TRAK1: variants seen among roughly 807,000 people sequenced by gnomAD.
TRAK1 encodes trafficking kinesin-binding protein 1.
In TRAK1, 33 loss-of-function variants were observed where a neutral mutation model predicts 92.1. The observed-to-expected ratio is 0.36, with a 90% CI of 0.27 to 0.48. TRAK1 has a LOEUF of 0.48. Among genes scored for constraint, TRAK1 ranks in the 20% least tolerant of loss-of-function variants. TRAK1 has a pLI of 0.99. For synonymous variants in TRAK1, 521 were observed against 517.3 expected (o/e 1.01, Z -0.10); for missense variants, 1,123 against 1,257.9 (o/e 0.89, Z 1.62).
At chr3:42,212,463 A>T in intron 14 of TRAK1, 2 of 985,420 alleles carry the variant, frequency 2.0e-6, no homozygotes, top group Non-Finnish European at 2.4e-6. Context: ...CCATGGAGAA[A>T]AAGTTTTAAG....
At chr3:42,100,326 C>T (rs1389632623) in intron 1 of TRAK1, among the ~76,000 whole-genome samples, 1 of 152,162 alleles carries the variant, frequency 6.6e-6, no homozygotes, top group African/African-American at 2.4e-5. Flanking sequence ...ATGATTGTGC[C>T]ACTGCACTCC....
chr3:42,156,375 C>T (rs1443552254), intron 2 of TRAK1, among the ~76,000 whole-genome samples: 1 of 152,170 alleles, frequency 6.6e-6, no homozygotes, highest in African/African-American at 2.4e-5. Context: ...AGTGTCTAAA[C>T]CCAGAGAAAT....
At chr3:42,118,785 C>G (rs1709488681) in intron 1 of TRAK1, among the ~76,000 whole-genome samples, 1 of 152,184 alleles carries the variant, frequency 6.6e-6, no homozygotes, top group Admixed American at 6.5e-5. Flanking sequence ...GTAAAGAGTC[C>G]TTTTAGGTTA....
chr3:42,034,630 T>C (rs1448237541), intron 1 of TRAK1, among the ~76,000 whole-genome samples: 1 of 152,208 alleles, frequency 6.6e-6, no homozygotes, highest in East Asian at 1.9e-4. Context: ...CCTTTTGCCA[T>C]GATTACTGTT....
intron 1 of TRAK1, among the ~76,000 whole-genome samples, chr3:42,027,019 T>C (rs920595890): frequency 3.3e-5 from 5 of 152,332 alleles, no homozygotes; most frequent in Admixed American, 2.0e-4. Context: ...TACTCTTTAA[T>C]AAAATCTCAG....
intron 3 of TRAK1, among the ~76,000 whole-genome samples, chr3:42,183,553 T>TAAAAAAAAAAAAAAAAAAAAAAAAA (rs11293523): frequency 1.4e-4 from 16 of 117,318 alleles, no homozygotes; most frequent in African/African-American, 4.8e-4. Context: ...AGACTCTGTC[T>TAAAAAAAAAAAAAAAAAAAAAAAAA]AAAAAAAAAA....
chr3:42,027,616 A>G (rs1701969070), intron 1 of TRAK1, among the ~76,000 whole-genome samples: 1 of 152,202 alleles, frequency 6.6e-6, no homozygotes. Context: ...TGTATTTTAA[A>G]CATTATTTAG....
chr3:42,202,641 A>G lies in TRAK1; in HGVS notation c.1633A>G (p.Met545Val), dbSNP rs1250458712. Residue 545 changes from methionine (M) to valine (V), a missense_variant, in exon 13 of 16, where the codon ATG becomes GTG. Coordinates refer to ENST00000327628, the MANE Select transcript of TRAK1 (RefSeq NM_001042646.3). The surrounding 1 kb of genome is among the most constrained non-coding windows in gnomAD (Gnocchi z 6.1). ...CTCCCTCACACCCACTGAGAGCATC[A>G]TGTCCCTGGGCACGCACTCCCGCTT... Reference protein sequence around the residue: ...SGSLTPTESIMSLGTHSRFSE... With the variant: ...SGSLTPTESIVSLGTHSRFSE... The G allele has an allele frequency of 3.1e-6, 5 of 1,611,588 alleles. No individual in the cohort carries two copies. Among genetic ancestry groups the G allele is most frequent in the Non-Finnish European group, 4.2e-6 (5 of 1,178,148 alleles).
intron 1 of TRAK1, among the ~76,000 whole-genome samples, chr3:42,112,735 C>CAAA (rs774716012): frequency 0.037 from 2,012 of 54,568 alleles, 77 homozygotes; most frequent in African/African-American, 0.097. Flanking sequence ...GACTCTGTCT[C>CAAA]AAAAAAAAAA....
At chr3:42,163,810 C>T (rs1701556386) in intron 2 of TRAK1, among the ~76,000 whole-genome samples, 1 of 152,172 alleles carries the variant, frequency 6.6e-6, no homozygotes, top group Non-Finnish European at 1.5e-5. Flanking sequence ...TGTCTGTTCT[C>T]TCCTTCTCTT....
intron 2 of TRAK1, among the ~76,000 whole-genome samples, chr3:42,145,179 G>A (rs1466466435): frequency 6.6e-6 from 1 of 152,150 alleles, no homozygotes; most frequent in Non-Finnish European, 1.5e-5. Flanking sequence ...TTGAACAACT[G>A]CCTAATTAAG....
chr3:42,086,819 T>C (rs976242911), upstream of TRAK1, among the ~76,000 whole-genome samples: 1 of 152,234 alleles, frequency 6.6e-6, no homozygotes, highest in African/African-American at 2.4e-5. Context: ...GTTTTAGCTG[T>C]GCTCCAGTGT....
chr3:42,066,878 G>A (rs554204883), intron 1 of TRAK1, among the ~76,000 whole-genome samples: 41 of 152,260 alleles, frequency 2.7e-4, no homozygotes, highest in Middle Eastern at 3.4e-3. Flanking sequence ...GGGCTGGGGG[G>A]AGGGATGATG....
At chr3:42,222,455 A>G (rs1710451018) in intron 15 of TRAK1, among the ~76,000 whole-genome samples, 1 of 152,182 alleles carries the variant, frequency 6.6e-6, no homozygotes, top group Non-Finnish European at 1.5e-5. Context: ...TAAGATAAGG[A>G]GTATCTCATC....
intron 1 of TRAK1, among the ~76,000 whole-genome samples, chr3:42,097,085 A>G (rs1007854548): frequency 6.6e-6 from 1 of 152,202 alleles, no homozygotes; most frequent in Admixed American, 6.5e-5. Context: ...GGGAACATAT[A>G]CTAAACATAT....
intron 1 of TRAK1, among the ~76,000 whole-genome samples, chr3:42,039,350 G>T (rs181946657): frequency 6.6e-6 from 1 of 152,066 alleles, no homozygotes; most frequent in African/African-American, 2.4e-5. Context: ...TGGATGTTTG[G>T]GTTGTTTCCA....
Position 42,202,556 on chromosome 3 carries a change from T to A in TRAK1, c.1548T>A (p.Phe516Leu). 1 of 1,578,312 alleles carries A rather than the reference T, an allele frequency of 6.3e-7. No homozygotes were observed. Among genetic ancestry groups the A allele is most frequent in the Non-Finnish European group, 8.7e-7 (1 of 1,155,394 alleles). The change falls in exon 13 of 16, where the codon TTT becomes TTA. Residue 516 changes from phenylalanine (F) to leucine (L), a missense_variant. By Grantham distance (22) the Phe-to-Leu change is conservative. This residue lies in a region of TRAK1 where 686 missense variants were observed against 747.6 expected (regional missense o/e 0.92). Transcript: ENST00000327628. This position sits in a 1 kb window ranked among gnomAD's most constrained non-coding sequence, Gnocchi z 6.1. ...RENYLSERRF[F>L]EEEQERKLQE... ...ACTACCTCTCGGAGAGGAGGTTCTT[T>A]GAGGAGGAGCAAGAGAGGAAGCTCC...
chr3:42,132,969 G>A (rs1322748803), intron 2 of TRAK1, among the ~76,000 whole-genome samples: 1 of 152,094 alleles, frequency 6.6e-6, no homozygotes, highest in Middle Eastern at 3.2e-3. Flanking sequence ...CCATCCACTG[G>A]CCCTGTTAAT....
intron 1 of TRAK1, among the ~76,000 whole-genome samples, chr3:42,044,387 C>T (rs1702676610): frequency 6.6e-6 from 1 of 152,216 alleles, no homozygotes; most frequent in Non-Finnish European, 1.5e-5. Context: ...GTCTCGAACT[C>T]CTGAGCTCAA....
Sources: allele counts gnomAD v4.1 joint callset (sites outside exome capture counted in the v4.1 genomes callset), GRCh38; gene constraint gnomAD v4.1.1; regional missense constraint gnomAD v4.1.1; non-coding constraint Gnocchi (gnomAD v3.1); transcripts MANE v1.5; gene names NCBI Gene and HGNC (gene_info 2026-07-23, HGNC 2026-07-21).